The following MVK variants were observed in gnomAD, a reference collection of about 807,000 sequenced individuals.
MVK encodes the protein LH receptor mRNA-binding protein.
In MVK, 34 loss-of-function variants were observed where a neutral mutation model predicts 43.2. That is an observed-to-expected ratio of 0.79 (90% CI 0.60 to 1.05). The LOEUF (loss-of-function observed/expected upper bound fraction) is 1.05, where lower values mean the gene tolerates loss of function less well. Among genes scored for constraint, MVK ranks in the 50% least tolerant of loss-of-function variants. MVK has a pLI of 0.00. For missense variants in MVK, 395 were observed against 504.0 expected (o/e 0.78, Z 2.07); for synonymous variants, 190 against 219.8 (o/e 0.86, Z 1.20).
chr12:109,591,252 C>G lies in MVK; in HGVS notation c.780C>G (p.Ile260Met), dbSNP rs34975996. Reference protein sequence around the residue: ...VRNRLLKFPEIVAPLLTSIDA... With the variant: ...VRNRLLKFPEMVAPLLTSIDA... ...CTTTTTTTCTCCAGTTCCCAGAGAT[C>G]GTGGCCCCCCTCCTGACCTCAATAG... Residue 260 changes from isoleucine to methionine, a missense_variant, in exon 9 of 11, where the codon ATC (isoleucine) becomes ATG (methionine). Coordinates refer to ENST00000228510, the MANE Select transcript of MVK (RefSeq NM_000431.4). The G allele has an allele frequency of 1.2e-6, 2 of 1,614,084 alleles. No homozygotes were observed. The highest frequency in any genetic ancestry group is 8.5e-7 in the Non-Finnish European group (1 of 1,180,034).
chr12:109,573,885 G>T lies in MVK; in HGVS notation c.-15+12G>T. ...GGCGGCGGCGGCAGGTGAGAGGCCG[G>T]GGTCGGGCGGCCGGGCGGCGCGAGG... On this transcript the variant is annotated intron_variant, in intron 1 of 10. Coordinates refer to ENST00000228510, the MANE Select transcript of MVK (RefSeq NM_000431.4). 1 of 199,400 alleles carries T rather than the reference G, an allele frequency of 5.0e-6. No homozygotes were observed. The highest frequency in any genetic ancestry group is 2.4e-5 in the African/African-American group (1 of 41,970). The allele number at this position is 199,400 out of a possible 1,614,324, so 12.4% of individuals were successfully genotyped here.
chr12:109,576,450 C>T (rs1884959834), intron 3 of MVK, among the ~76,000 whole-genome samples: 1 of 151,800 alleles, frequency 6.6e-6, no homozygotes, highest in African/African-American at 2.4e-5. Context: ...GAAAAGGTCT[C>T]GGGGGCATAG....
chr12:109,573,589 T>C, upstream of MVK: 1 of 1,320,462 alleles, frequency 7.6e-7, no homozygotes, highest in Non-Finnish European at 1.1e-6. Context: ...TTTTTATTGG[T>C]TCGCAGTTCT....
At chr12:109,582,348 GTTTT>G (rs1885254780) in intron 5 of MVK, among the ~76,000 whole-genome samples, 1 of 150,202 alleles carries the variant, frequency 6.7e-6, no homozygotes, top group South Asian at 2.1e-4. Context: ...TTGTTTGTTT[GTTTT>G]TTGAGATGGA....
At chr12:109,583,388 GA>G (rs1885307523) in intron 5 of MVK, among the ~76,000 whole-genome samples, 1 of 152,036 alleles carries the variant, frequency 6.6e-6, no homozygotes, top group Non-Finnish European at 1.5e-5. Context: ...TGAGAATGAT[GA>G]TTTCCAATTT....
rs1885965748 is a variant in MVK, at chr12:109,597,283, A to G, written c.*706A>G. ...TCAACAGTAGAGACTCCAGGCCACC[A>G]GCACCTCCCTCTGTCCCTGTCCCCT... On this transcript the variant is annotated 3_prime_UTR_variant, in exon 11 of 11. Coordinates refer to ENST00000228510, the MANE Select transcript of MVK (RefSeq NM_000431.4). 1 of 154,400 alleles carries G rather than the reference A, an allele frequency of 6.5e-6. No homozygotes were observed. Among genetic ancestry groups the G allele is most frequent in the Non-Finnish European group, 1.4e-5 (1 of 69,642 alleles). 9.6% of individuals were successfully genotyped at this position (154,400 alleles called of 1,614,324 possible).
chr12:109,575,211 T>C (rs1450154552), intron 2 of MVK, among the ~76,000 whole-genome samples: 1 of 152,162 alleles, frequency 6.6e-6, no homozygotes, highest in Non-Finnish European at 1.5e-5. Context: ...ATTTAGAAGT[T>C]GGAAGGATGA....
chr12:109,587,323 T>A (rs1193953886), intron 7 of MVK, among the ~76,000 whole-genome samples: 1 of 152,098 alleles, frequency 6.6e-6, no homozygotes, highest in Non-Finnish European at 1.5e-5. Flanking sequence ...GGAGCAGAAG[T>A]GACATTTGGA....
intron 5 of MVK, among the ~76,000 whole-genome samples, chr12:109,583,301 A>C (rs1250593887): frequency 1.3e-5 from 2 of 149,164 alleles, no homozygotes; most frequent in Non-Finnish European, 3.0e-5. Flanking sequence ...TCCTGTGTCC[A>C]TGTGTTCTCA....
intron 1 of MVK, among the ~76,000 whole-genome samples, chr12:109,574,570 C>A (rs1884840213): frequency 1.3e-5 from 2 of 152,106 alleles, no homozygotes; most frequent in African/African-American, 4.8e-5. Flanking sequence ...AGGTTCTTAG[C>A]CATTTAAGTG....
At position 109,586,008 on chromosome 12, in the gene MVK, A is replaced by G. The variant is rs756148846; in HGVS notation, c.528-14A>G. On this transcript the variant is annotated splice_polypyrimidine_tract_variant and intron_variant, in intron 5 of 10. Transcript: ENST00000228510. ...CCTCACTGCCACAGTAAAGATGAAC[A>G]TCTGTGTCTTCAGGTGGACCAAGGA... 1 of 1,607,156 alleles carries G rather than the reference A, an allele frequency of 6.2e-7. No individual in the cohort carries two copies. The highest frequency in any genetic ancestry group is 8.5e-7 in the Non-Finnish European group (1 of 1,173,728).
In MVK at chr12:109,576,033, C is replaced by G. The variant is rs1283498868; in HGVS notation, c.114C>G (p.Phe38Leu). The change falls in exon 3 of 11, where the codon TTC (phenylalanine) becomes TTG (leucine). Residue 38 changes from phenylalanine to leucine, a missense_variant. Phe to Leu is a conservative substitution (Grantham distance 22, BLOSUM62 0). Coordinates refer to ENST00000228510, the MANE Select transcript of MVK (RefSeq NM_000431.4). Reference protein sequence around the residue: ...ALAVSLNLRTFLRLQPHSNGK... With the variant: ...ALAVSLNLRTLLRLQPHSNGK... ...CTGTATCCTTGAACTTGAGAACATT[C>G]CTCCGGCTTCAACCCCACAGCAATG... The G allele has an allele frequency of 6.2e-7, 1 of 1,614,080 alleles. No individual in the cohort carries two copies. Among genetic ancestry groups the G allele is most frequent in the African/African-American group, 1.3e-5 (1 of 74,936 alleles).
At position 109,586,101 on chromosome 12, in the gene MVK, G is replaced by A; in HGVS notation, c.607G>A (p.Val203Met). 6.2e-7 allele frequency: 1 copy of A among 1,614,138 alleles called. No homozygotes were observed. The highest frequency in any genetic ancestry group is 8.5e-7 in the Non-Finnish European group (1 of 1,179,952). Residue 203 changes from valine to methionine, a missense_variant, in exon 6 of 11, where the codon GTG (valine) becomes ATG (methionine). Physicochemically the swap from Val to Met is conservative, Grantham distance 21. Coordinates refer to ENST00000228510, the MANE Select transcript of MVK (RefSeq NM_000431.4). Reference sequence around the variant, plus strand: ...AATGATTCACGGGAACCCCTCCGGAGTGGACAATGCTGTCAGCACCTGGGG... The same window carrying A: ...AATGATTCACGGGAACCCCTCCGGAATGGACAATGCTGTCAGCACCTGGGG... The part of the protein sequence containing the change: ...ERMIHGNPSG[V>M]DNAVSTWGGA...
rs561134590 is a variant in MVK, at chr12:109,581,603, C to T, written c.527+53C>T. 1.5e-3 allele frequency: 2,483 copies of T among 1,612,562 alleles called. 9 individuals are homozygous for T. Among genetic ancestry groups the T allele is most frequent in the Admixed American group, 2.2e-3 (130 of 59,950 alleles). On this transcript the variant is annotated intron_variant, in intron 5 of 10. Coordinates refer to ENST00000228510, the MANE Select transcript of MVK (RefSeq NM_000431.4). ...TCCCTCCCGCACGGCAGGACAGGGA[C>T]GTGGCTTCTCTCACTGAGACCTCAC... is the stretch of plus-strand genomic sequence containing the variant.
At chr12:109,574,325 A>T (rs1884821646) in intron 1 of MVK, among the ~76,000 whole-genome samples, 1 of 152,188 alleles carries the variant, frequency 6.6e-6, no homozygotes, top group South Asian at 2.1e-4. Context: ...AAACAGCCTA[A>T]ATGTCCAGCA....
At chr12:109,575,698 A>G (rs1316625086) in intron 2 of MVK, among the ~76,000 whole-genome samples, 1 of 152,172 alleles carries the variant, frequency 6.6e-6, no homozygotes, top group South Asian at 2.1e-4. Flanking sequence ...TCTCACTGCT[A>G]TTCTTTATGT....
chr12:109,574,974 G>C, intron 2 of MVK, 74 bp downstream of exon 2: 4 of 1,427,290 alleles, frequency 2.8e-6, no homozygotes, highest in Non-Finnish European at 3.9e-6. Flanking sequence ...AAGGTAAAAG[G>C]ACACCCTGAG....
At chr12:109,588,457 T>A (rs1885535799) in intron 7 of MVK, 1 of 152,072 alleles carries the variant, frequency 6.6e-6, no homozygotes. Context: ...CATCAGGAGA[T>A]GAATGAGGAG....
chr12:109,587,990 C>T (rs1292688046), intron 7 of MVK: 1 of 147,064 alleles, frequency 6.8e-6, no homozygotes, highest in Non-Finnish European at 1.5e-5. Flanking sequence ...GAGGCAGAAT[C>T]ACCCTTGCCG....
Sources: gnomAD v4.1 joint callset for allele counts (sites outside exome capture counted in the v4.1 genomes callset) on GRCh38, gnomAD v4.1.1 for gene constraint, MANE v1.5 for transcripts, NCBI Gene and HGNC (gene_info 2026-07-23, HGNC 2026-07-21) for gene names.